PLCZ1: variants seen among roughly 807,000 people sequenced by gnomAD.
PLCZ1 encodes phospholipase C zeta 1.
A neutral mutation model predicts 76.8 loss-of-function variants in PLCZ1; 64 were observed. The observed-to-expected ratio is 0.83, with a 90% confidence interval of 0.68 to 1.03. PLCZ1 has a LOEUF of 1.03. PLCZ1 is among the 50% of genes least tolerant of loss of function. The pLI is 0.00. For missense variants in PLCZ1, 751 were observed against 713.7 expected (o/e 1.05, Z -0.60); for synonymous variants, 248 against 230.8 (o/e 1.07, Z -0.68).
the PLCZ1 span, among the ~76,000 whole-genome samples, chr12:18,648,655 G>T: frequency 2.3e-4 from 35 of 152,064 alleles, no homozygotes; most frequent in African/African-American, 8.4e-4. Context: ...CTGCCACCCA[G>T]AGGCACGATT....
intron 2 of PLCZ1, 90 bp downstream of exon 2, chr12:18,737,271 C>T: frequency 7.0e-7 from 1 of 1,418,478 alleles, no homozygotes; most frequent in South Asian, 1.2e-5. Context: ...GACTTAAATT[C>T]AGAACTCCTC....
intron 5 of PLCZ1, among the ~76,000 whole-genome samples, chr12:18,713,313 C>G (rs1226465713): frequency 6.6e-6 from 1 of 152,090 alleles, no homozygotes; most frequent in Non-Finnish European, 1.5e-5. Context: ...CATCCCTACT[C>G]CCAACCCATA....
chr12:18,659,563 T>A, the PLCZ1 span, among the ~76,000 whole-genome samples: 2 of 152,108 alleles, frequency 1.3e-5, no homozygotes, highest in Non-Finnish European at 2.9e-5. Flanking sequence ...ATTGTCTCAA[T>A]AATGTATTTT....
chr12:18,737,429 C>T lies in PLCZ1; in HGVS notation c.-58G>A. On this transcript the variant is annotated 5_prime_UTR_variant, in exon 2 of 15. Transcript: ENST00000266505. ...CTTAGAAGTCTTTCCCCAGTAGGTG[C>T]TGTCATGGGTTCCAAATACAATTAA... 4.3e-6 allele frequency: 7 copies of T among 1,611,344 alleles called. No homozygotes were observed. Among genetic ancestry groups the T allele is most frequent in the Non-Finnish European group, 5.9e-6 (7 of 1,177,640 alleles).
chr12:18,693,555 T>A, intron 12 of PLCZ1: 1 of 1,607,758 alleles, frequency 6.2e-7, no homozygotes, highest in Non-Finnish European at 8.5e-7. Flanking sequence ...CAGAAGTACC[T>A]AGGTGATGGG....
the PLCZ1 span, among the ~76,000 whole-genome samples, chr12:18,649,577 T>A: frequency 6.6e-6 from 1 of 152,110 alleles, no homozygotes; most frequent in African/African-American, 2.4e-5. Flanking sequence ...GCAGCAAAAC[T>A]CTTCAAAATG....
downstream of PLCZ1, among the ~76,000 whole-genome samples, chr12:18,681,364 AT>A (rs1021436625): frequency 3.9e-5 from 6 of 152,066 alleles, no homozygotes; most frequent in African/African-American, 1.4e-4. Context: ...TCAAGGGTTC[AT>A]TTAGCCTTTT....
In PLCZ1 at chr12:18,710,753, C is replaced by T. The variant is rs137879229; in HGVS notation, c.714+2089G>A. 7.7e-3 allele frequency among the ~76,000 whole-genome samples: 1,172 copies of T among 152,246 alleles called. 12 individuals carry two copies. Among genetic ancestry groups the T allele is most frequent in the Non-Finnish European group, 0.01 (698 of 68,004 alleles). On this transcript the variant is annotated intron_variant, in intron 6 of 14. Transcript: ENST00000266505. ...AGTAAAGCCACTGCTCAAAAGAAGACATTTATGCAGCCAAAAAACACATGA... is the reference window on the plus strand; with the variant it reads ...AGTAAAGCCACTGCTCAAAAGAAGATATTTATGCAGCCAAAAAACACATGA...
intron 10 of PLCZ1, among the ~76,000 whole-genome samples, chr12:18,697,844 T>A (rs1211124855): frequency 6.6e-6 from 1 of 151,680 alleles, no homozygotes; most frequent in African/African-American, 2.4e-5. Context: ...ATAATTGGCA[T>A]CCTTGAAGTT....
At chr12:18,728,253 A>T (rs933808220) in intron 3 of PLCZ1, among the ~76,000 whole-genome samples, 2 of 152,186 alleles carry the variant, frequency 1.3e-5, no homozygotes, top group Admixed American at 1.3e-4. Flanking sequence ...GTTATGTGAG[A>T]TATGAAGAAA....
chr12:18,705,207 C>G lies in PLCZ1; in HGVS notation c.823G>C (p.Asp275His), dbSNP rs1277575553. 6.2e-7 allele frequency: 1 copy of G among 1,613,986 alleles called. No individual in the cohort carries two copies. The highest frequency in any genetic ancestry group is 1.1e-5 in the South Asian group (1 of 91,072). The change falls in exon 7 of 15, where the codon GAT (aspartate) becomes CAT (histidine). Residue 275 changes from aspartate to histidine, a missense_variant. Transcript: ENST00000266505. The stretch of plus-strand genomic sequence containing the variant: ...GTATCAGGAAAATCATCAAGCATAT[C>G]AGAAAGCAAGGACTCTCCAAAAGTA... Reference protein sequence around the residue: ...QATFGESLLSDMLDDFPDTLP... With the variant: ...QATFGESLLSHMLDDFPDTLP...
intron 6 of PLCZ1, among the ~76,000 whole-genome samples, chr12:18,709,032 A>G (rs1357505047): frequency 6.6e-6 from 1 of 151,940 alleles, no homozygotes; most frequent in Admixed American, 6.6e-5. Context: ...AGTCCCAGTT[A>G]TTTATTTTTG....
intron 4 of PLCZ1, among the ~76,000 whole-genome samples, chr12:18,720,946 A>G (rs1382861635): frequency 6.6e-6 from 1 of 152,158 alleles, no homozygotes; most frequent in Non-Finnish European, 1.5e-5. Context: ...TCAAAATGCT[A>G]TTACTATTTT....
At chr12:18,687,133 T>C (rs1953272506) in intron 13 of PLCZ1, among the ~76,000 whole-genome samples, 1 of 152,092 alleles carries the variant, frequency 6.6e-6, no homozygotes, top group Admixed American at 6.6e-5. Flanking sequence ...TCAATATCCC[T>C]TCCCATTGAT....
intron 12 of PLCZ1, chr12:18,693,992 G>A (rs1592051182): frequency 6.7e-7 from 1 of 1,491,910 alleles, no homozygotes; most frequent in Middle Eastern, 2.3e-4. Context: ...TGGTCTGATG[G>A]CCTTAAGAGA....
chr12:18,667,314 G>C, the PLCZ1 span, among the ~76,000 whole-genome samples: 1 of 152,192 alleles, frequency 6.6e-6, no homozygotes, highest in East Asian at 1.9e-4. Flanking sequence ...CTTGGTGGGA[G>C]AAACCTCCTA....
the PLCZ1 span, among the ~76,000 whole-genome samples, chr12:18,646,068 T>C: frequency 2.0e-5 from 3 of 152,232 alleles, no homozygotes; most frequent in East Asian, 1.9e-4. Context: ...CCAGGCAGCA[T>C]TGGGCATCCA....
chr12:18,671,664 T>G, the PLCZ1 span, among the ~76,000 whole-genome samples: 1 of 152,172 alleles, frequency 6.6e-6, no homozygotes, highest in Non-Finnish European at 1.5e-5. Context: ...AAAATTTCAT[T>G]ATTGCAGACA....
chr12:18,667,465 CTA>C, the PLCZ1 span, among the ~76,000 whole-genome samples: 1 of 152,080 alleles, frequency 6.6e-6, no homozygotes, highest in Non-Finnish European at 1.5e-5. Context: ...ACACTAAGTA[CTA>C]TGTTTTGAGA....
Sources: allele counts gnomAD v4.1 joint callset (sites outside exome capture counted in the v4.1 genomes callset), GRCh38; gene constraint gnomAD v4.1.1; transcripts MANE v1.5; gene names NCBI Gene and HGNC (gene_info 2026-07-23, HGNC 2026-07-21).